Variants in PCDH9 observed in about 807,000 individuals in gnomAD.
PCDH9 encodes protocadherin 9, also known as protocadherin-9.
In PCDH9, 24 loss-of-function variants were observed where a neutral mutation model predicts 70.6. That is an observed-to-expected ratio of 0.34 (90% CI 0.25 to 0.48). PCDH9 has a LOEUF of 0.48. Among genes scored for constraint, PCDH9 ranks in the 20% least tolerant of loss-of-function variants. PCDH9 has a pLI of 0.99. For missense variants in PCDH9, 1,281 were observed against 1,503.6 expected (o/e 0.85, Z 2.45); for synonymous variants, 562 against 558.5 (o/e 1.01, Z -0.09).
At chr13:66,957,298 TTAC>T (rs1328293514) in intron 2 of PCDH9, among the ~76,000 whole-genome samples, 1 of 152,200 alleles carries the variant, frequency 6.6e-6, no homozygotes, top group Non-Finnish European at 1.5e-5. Flanking sequence ...ACTTTTTTTT[TTAC>T]ACTTACTTTT....
chr13:66,656,295 C>T (rs2077928202), intron 3 of PCDH9, among the ~76,000 whole-genome samples: 1 of 152,102 alleles, frequency 6.6e-6, no homozygotes, highest in African/African-American at 2.4e-5. Flanking sequence ...ATTGAGGAGC[C>T]CTGTCCATCC....
intron 2 of PCDH9, among the ~76,000 whole-genome samples, chr13:67,151,929 T>C (rs946121848): frequency 6.6e-6 from 1 of 152,038 alleles, no homozygotes; most frequent in East Asian, 1.9e-4. Flanking sequence ...TAAAGAGAGA[T>C]AATTTTTTTT....
intron 2 of PCDH9, among the ~76,000 whole-genome samples, chr13:67,037,315 A>G (rs2085029601): frequency 6.6e-6 from 1 of 152,200 alleles, no homozygotes; most frequent in African/African-American, 2.4e-5. Flanking sequence ...ATGGTTTATG[A>G]ACTTGGCTTC....
At chr13:66,428,411 C>T (rs768872425) in intron 4 of PCDH9, among the ~76,000 whole-genome samples, 4 of 151,756 alleles carry the variant, frequency 2.6e-5, no homozygotes, top group Admixed American at 6.6e-5. Context: ...CCCACTGGAA[C>T]TAGATGAAGG....
chr13:67,021,863 G>C (rs1454283021), intron 2 of PCDH9, among the ~76,000 whole-genome samples: 1 of 151,714 alleles, frequency 6.6e-6, no homozygotes, highest in Admixed American at 6.6e-5. Flanking sequence ...CCTGGCGATA[G>C]TGTAATTTTT....
At chr13:66,414,549 A>G (rs1957429873) in intron 4 of PCDH9, among the ~76,000 whole-genome samples, 1 of 152,222 alleles carries the variant, frequency 6.6e-6, no homozygotes, top group African/African-American at 2.4e-5. Context: ...AAACATAAAC[A>G]TGTTTGCTTT....
At chr13:66,481,839 G>T (rs138822344) in intron 4 of PCDH9, among the ~76,000 whole-genome samples, 2 of 151,884 alleles carry the variant, frequency 1.3e-5, no homozygotes, top group East Asian at 1.9e-4. Context: ...TAAAATCTCC[G>T]CATCTGTAAG....
chr13:66,482,454 G>A (rs557080115), intron 4 of PCDH9, among the ~76,000 whole-genome samples: 1 of 152,296 alleles, frequency 6.6e-6, no homozygotes, highest in East Asian at 1.9e-4. Context: ...CTAATCTGAA[G>A]TGGGTCACTC....
intron 3 of PCDH9, among the ~76,000 whole-genome samples, chr13:66,639,339 ATG>A (rs553226213): frequency 8.9e-4 from 136 of 152,312 alleles, no homozygotes; most frequent in African/African-American, 3.0e-3. Context: ...TGATTTGTAA[ATG>A]TCTTATTGTG....
intron 3 of PCDH9, among the ~76,000 whole-genome samples, chr13:66,845,501 G>C (rs911802283): frequency 1.3e-5 from 2 of 152,208 alleles, no homozygotes; most frequent in African/African-American, 2.4e-5. Context: ...AGAGTGAAGA[G>C]ATGCCTGGGT....
At chr13:66,445,003 G>GA (rs139169167) in intron 4 of PCDH9, among the ~76,000 whole-genome samples, 9,316 of 148,922 alleles carry the variant, frequency 0.063, 860 homozygotes, top group African/African-American at 0.2. Flanking sequence ...TAGCATATTA[G>GA]AAAAATTGTA....
At chr13:66,870,047 T>A (rs1046071332) in intron 3 of PCDH9, among the ~76,000 whole-genome samples, 3 of 152,184 alleles carry the variant, frequency 2.0e-5, no homozygotes, top group African/African-American at 7.2e-5. Context: ...AGGGTTTTTA[T>A]GGTTTTAGGT....
Position 67,066,929 on chromosome 13 carries a change from A to C in PCDH9, c.3036+158476T>G, listed in dbSNP as rs2085659455. On this transcript the variant is annotated intron_variant, in intron 2 of 4. Transcript: ENST00000377865. The stretch of plus-strand genomic sequence containing the variant: ...AATTTTCCCTTAATATTATATTCAG[A>C]ACAGACACAACACATCCATATGAAA... 4.6e-5 allele frequency among the ~76,000 whole-genome samples: 7 copies of C among 152,292 alleles called. No homozygotes were observed. The South Asian group carries it at 1.4e-3, about 32-fold the overall frequency.
intron 4 of PCDH9, among the ~76,000 whole-genome samples, chr13:66,390,707 G>A (rs956748662): frequency 4.0e-5 from 6 of 149,620 alleles, no homozygotes; most frequent in African/African-American, 1.5e-4. Flanking sequence ...CTGCACTCCA[G>A]CTTGGTGACA....
At chr13:67,190,087 A>C (rs2088869037) in intron 2 of PCDH9, among the ~76,000 whole-genome samples, 1 of 151,994 alleles carries the variant, frequency 6.6e-6, no homozygotes, top group South Asian at 2.1e-4. Flanking sequence ...TAATATTAAA[A>C]AGTTTTGTGA....
intron 3 of PCDH9, among the ~76,000 whole-genome samples, chr13:66,790,341 C>CA (rs2080144781): frequency 6.6e-6 from 1 of 152,000 alleles, no homozygotes; most frequent in South Asian, 2.1e-4. Context: ...GGATAGTAAT[C>CA]ATTCATGAGT....
At chr13:66,806,829 G>A (rs1022718893) in intron 3 of PCDH9, among the ~76,000 whole-genome samples, 1 of 152,124 alleles carries the variant, frequency 6.6e-6, no homozygotes, top group African/African-American at 2.4e-5. Flanking sequence ...TCAAACATTG[G>A]CAACTAGTAT....
chr13:66,535,564 A>G (rs1465421962), intron 4 of PCDH9, among the ~76,000 whole-genome samples: 1 of 152,120 alleles, frequency 6.6e-6, no homozygotes, highest in Non-Finnish European at 1.5e-5. Context: ...CACTTTATAT[A>G]TAAAGTATCA....
At chr13:66,617,904 G>A (rs140144252) in intron 4 of PCDH9, among the ~76,000 whole-genome samples, 207 of 152,150 alleles carry the variant, frequency 1.4e-3, no homozygotes, top group African/African-American at 4.6e-3. Flanking sequence ...GCAGTTCTTC[G>A]TCCTTAACTG....
Sources: gnomAD v4.1 joint callset for allele counts (sites outside exome capture counted in the v4.1 genomes callset) on GRCh38, gnomAD v4.1.1 for gene constraint, MANE v1.5 for transcripts, NCBI Gene and HGNC (gene_info 2026-07-23, HGNC 2026-07-21) for gene names.